Variants in SLC18B1 observed in about 807,000 individuals in gnomAD.
SLC18B1 encodes solute carrier family 18 member B1.
In SLC18B1, 62 loss-of-function variants were observed where a neutral mutation model predicts 53.9. The observed-to-expected ratio is 1.15, with a 90% confidence interval of 0.94 to 1.42. The LOEUF is 1.42. Among genes scored for constraint, SLC18B1 ranks in the 40% most tolerant of loss-of-function variants. The pLI, the probability that SLC18B1 is intolerant of heterozygous loss-of-function variation, is 0.00. For missense variants in SLC18B1, 598 were observed against 547.3 expected, an observed-to-expected ratio of 1.09 and a Z score of -0.93; for synonymous variants, 217 against 200.9, an observed-to-expected ratio of 1.08 and a Z score of -0.68.
intron 8 of SLC18B1, among the ~76,000 whole-genome samples, chr6:132,776,095 AT>A (rs879118756): frequency 3.3e-5 from 5 of 151,722 alleles, no homozygotes; most frequent in East Asian, 3.9e-4. Flanking sequence ...AATCCAATTT[AT>A]TTTTTTTTAA....
chr6:132,771,211 TG>T lies in SLC18B1; in HGVS notation c.1161-83del. On this transcript the variant is annotated intron_variant, in intron 11 of 13. Transcript: ENST00000275227. The stretch of plus-strand genomic sequence containing the variant: ...ATGAAAAGCTACATGATCCTTCAAT[TG>T]TAAGTCTTCATTACATTGGAAGATA... 2.4e-6 allele frequency: 3 copies of T among 1,247,798 alleles called. No homozygotes were observed. The South Asian group carries it at 3.8e-5, about 16-fold the overall frequency. 77.3% of individuals were successfully genotyped at this position (1,247,798 alleles called of 1,614,324 possible). A position where few individuals can be genotyped will look rare whatever the true frequency, so the allele number is the denominator to read the frequency against.
rs753584107 is a variant in SLC18B1, at chr6:132,798,502, C to A, written c.-46G>T. On this transcript the variant is annotated 5_prime_UTR_variant, in exon 1 of 14. Coordinates refer to ENST00000275227, the MANE Select transcript of SLC18B1 (RefSeq NM_052831.3). ...CGCCCCAGCTCCCGGCTTCAAGCCA[C>A]GTCCTTGGACTCGACCTCCAAGGAG... The A allele has an allele frequency of 2.9e-5, 42 of 1,440,852 alleles. No homozygotes were observed. The highest frequency in any genetic ancestry group is 4.4e-5 in the African/African-American group (3 of 68,380). The allele number at this position is 1,440,852 out of a possible 1,614,324, so 89.3% of individuals were successfully genotyped here.
intron 2 of SLC18B1, among the ~76,000 whole-genome samples, chr6:132,795,661 C>T (rs1007918528): frequency 6.6e-6 from 1 of 152,104 alleles, no homozygotes; most frequent in African/African-American, 2.4e-5. Context: ...TGGCAAAAAG[C>T]ACAAAATAAA....
At chr6:132,792,803 G>C (rs1164646855) in intron 2 of SLC18B1, among the ~76,000 whole-genome samples, 15 of 152,072 alleles carry the variant, frequency 9.9e-5, no homozygotes, top group Non-Finnish European at 1.5e-5. Context: ...CTTCACATTA[G>C]GAAAGCAAAA....
At position 132,792,288 on chromosome 6, in the gene SLC18B1, A is replaced by AAAGAAAGAAAGAAAG. The variant is rs770774646; in HGVS notation, c.184-2017_184-2016insCTTTCTTTCTTTCTT. The stretch of plus-strand genomic sequence containing the variant: ...GAAAGAAAGAAAGAAAGAAAGGAAG[A>AAAGAAAGAAAGAAAG]AAGGAAGGAAGGAAGGAAGGAAGGA... On this transcript the variant is annotated intron_variant, in intron 2 of 13. Coordinates refer to ENST00000275227, the MANE Select transcript of SLC18B1 (RefSeq NM_052831.3). 1.3e-3 allele frequency among the ~76,000 whole-genome samples: 53 copies of AAAGAAAGAAAGAAAG among 39,932 alleles called. 3 individuals are homozygous for AAAGAAAGAAAGAAAG. Among genetic ancestry groups the AAAGAAAGAAAGAAAG allele is most frequent in the African/African-American group, 6.8e-3 (53 of 7,760 alleles). The allele number at this position is 39,932 out of a possible 152,430, so 26.2% of individuals were successfully genotyped here. A position where few individuals can be genotyped will look rare whatever the true frequency, so the allele number is the denominator to read the frequency against.
At position 132,770,193 on chromosome 6, in the gene SLC18B1, A is replaced by T; in HGVS notation, c.*77T>A. On this transcript the variant is annotated 3_prime_UTR_variant, in exon 14 of 14. Coordinates refer to ENST00000275227, the MANE Select transcript of SLC18B1 (RefSeq NM_052831.3). Reference sequence around the variant, plus strand: ...CACGGAGTTTTGCGCGTAAAATTTTAAAAACCCTTCCTACGGTGATGTTTA... The same window carrying T: ...CACGGAGTTTTGCGCGTAAAATTTTTAAAACCCTTCCTACGGTGATGTTTA... The T allele has an allele frequency of 7.7e-7, 1 of 1,294,498 alleles. No individual in the cohort carries two copies. The highest frequency in any genetic ancestry group is 1.1e-6 in the Non-Finnish European group (1 of 906,296). The allele number at this position is 1,294,498 out of a possible 1,614,324, so 80.2% of individuals were successfully genotyped here.
rs777189430 is a variant in SLC18B1 at position 132,772,950 on chromosome 6, A to G, written c.1085+43T>C. 3.6e-6 allele frequency: 5 copies of G among 1,380,860 alleles called. No homozygotes were observed. In the South Asian group the frequency reaches 5.9e-5, roughly 16 times the overall value. 85.5% of individuals were successfully genotyped at this position (1,380,860 alleles called of 1,614,324 possible). A position where few individuals can be genotyped will look rare whatever the true frequency, so the allele number is the denominator to read the frequency against. On this transcript the variant is annotated intron_variant, in intron 10 of 13. Transcript: ENST00000275227. ...TTCAAGAAAGCCTGTGATACTTACT[A>G]CTTATTCACAATACAGCTCTTCAAG...
In SLC18B1 at chr6:132,780,665, G is replaced by A. The variant is rs550374465; in HGVS notation, c.659-1261C>T. Among the ~76,000 whole-genome samples, 438 of 144,606 alleles carry A rather than the reference G, an allele frequency of 3.0e-3. 1 individual carries two copies. Among genetic ancestry groups the A allele is most frequent in the African/African-American group, 0.01 (387 of 38,432 alleles). 94.9% of individuals were successfully genotyped at this position (144,606 alleles called of 152,430 possible). A position where few individuals can be genotyped will look rare whatever the true frequency, so the allele number is the denominator to read the frequency against. ...CAACCTCCACCTCCTGGGCTCAAGC[G>A]ATTCTCCTGCCTCAGCCTCCCGAGT... On this transcript the variant is annotated intron_variant, in intron 6 of 13. Coordinates refer to ENST00000275227, the MANE Select transcript of SLC18B1 (RefSeq NM_052831.3).
chr6:132,795,189 T>C (rs1034729811), intron 2 of SLC18B1, among the ~76,000 whole-genome samples: 1 of 152,092 alleles, frequency 6.6e-6, no homozygotes, highest in Non-Finnish European at 1.5e-5. Context: ...AACAGTCTTA[T>C]AACATTCTGG....
intron 1 of SLC18B1, among the ~76,000 whole-genome samples, chr6:132,797,901 A>T (rs1036128940): frequency 2.0e-5 from 3 of 152,188 alleles, no homozygotes; most frequent in Non-Finnish European, 4.4e-5. Flanking sequence ...ATCCAAGCAA[A>T]TCCATCAGCC....
chr6:132,785,036 TC>T (rs1331075493), intron 5 of SLC18B1, among the ~76,000 whole-genome samples: 15 of 147,172 alleles, frequency 1.0e-4, no homozygotes, highest in African/African-American at 3.8e-4. Context: ...AATAGTCCTG[TC>T]CAGTTAAAAA....
At chr6:132,792,794 T>C (rs1002908266) in intron 2 of SLC18B1, among the ~76,000 whole-genome samples, 2 of 152,124 alleles carry the variant, frequency 1.3e-5, no homozygotes, top group Admixed American at 6.6e-5. Flanking sequence ...TGGATCCTGC[T>C]TCACATTAGG....
At chr6:132,792,300 G>A (rs201109035) in intron 2 of SLC18B1, among the ~76,000 whole-genome samples, 6,024 of 29,916 alleles carry the variant, frequency 0.2, 369 homozygotes, top group Middle Eastern at 0.24. Context: ...AGGAAGGAAG[G>A]AAGGAAGGAA....
chr6:132,773,079 C>T lies in SLC18B1; in HGVS notation c.999G>A (p.Trp333Ter), dbSNP rs770209485. The T allele has an allele frequency of 2.5e-6, 4 of 1,612,834 alleles. No homozygotes were observed. The highest frequency in any genetic ancestry group is 3.4e-6 in the Non-Finnish European group (4 of 1,179,010). The part of the protein sequence containing the change: ...VPILHIKSQL[W>*]LLVLILVVSG... ...TTACAACTAATATCAGCACCAGCAGCCAGAGCTGACTGCAAAAGGGTTTTG... is the reference window on the plus strand; with the variant it reads ...TTACAACTAATATCAGCACCAGCAGTCAGAGCTGACTGCAAAAGGGTTTTG... The change falls in exon 10 of 14, where the codon TGG (tryptophan) becomes TGA (stop). Residue 333 changes from tryptophan (W) to a stop codon, truncating the protein, a stop_gained. Transcript: ENST00000275227. LOFTEE classifies it high-confidence loss of function.
At chr6:132,793,901 C>T (rs1036135113) in intron 2 of SLC18B1, among the ~76,000 whole-genome samples, 6 of 152,090 alleles carry the variant, frequency 3.9e-5, no homozygotes, top group African/African-American at 1.4e-4. Flanking sequence ...GTCATCATTT[C>T]CTATAAGCAC....
At chr6:132,778,441 G>A (rs190300300) in intron 7 of SLC18B1, among the ~76,000 whole-genome samples, 15 of 151,988 alleles carry the variant, frequency 9.9e-5, no homozygotes, top group Non-Finnish European at 2.2e-4. Context: ...GATTTCAAGG[G>A]GTAGTGTAAA....
rs752803812 is a variant in SLC18B1 at position 132,776,387 on chromosome 6, T to C, written c.838A>G (p.Met280Val). Residue 280 changes from methionine to valine, a missense_variant, in exon 8 of 14, where the codon ATG becomes GTG. Physicochemically the swap from Met to Val is conservative, Grantham distance 21. Coordinates refer to ENST00000275227, the MANE Select transcript of SLC18B1 (RefSeq NM_052831.3). Reference sequence around the variant, plus strand: ...GAAGAGATGGCATAGGACAGTGCCATACCCAGGAATACTAGTCCCACATAT... The same window carrying C: ...GAAGAGATGGCATAGGACAGTGCCACACCCAGGAATACTAGTCCCACATAT... ...AGYVGLVFLG[M>V]ALSYAISSPL... 1.2e-6 allele frequency: 2 copies of C among 1,613,700 alleles called. No individual in the cohort carries two copies. The highest frequency in any genetic ancestry group is 3.3e-5 in the Admixed American group (2 of 59,984).
rs745456761 is a variant in SLC18B1, at chr6:132,783,999, A to C, written c.592T>G (p.Phe198Val). The stretch of plus-strand genomic sequence containing the variant: ...AAAACGACGCATCCCAGAACAATAA[A>C]AGGCACTTCATAGCCAAAGGATTGA... ...LYQSFGYEVPFIVLGCVVLLM... is the reference protein window; with the variant it reads ...LYQSFGYEVPVIVLGCVVLLM... Residue 198 changes from phenylalanine to valine, a missense_variant, in exon 6 of 14, where the codon TTT (phenylalanine) becomes GTT (valine). By Grantham distance (50) the Phe-to-Val change is conservative. Transcript: ENST00000275227. The C allele has an allele frequency of 3.7e-6, 6 of 1,611,360 alleles. No individual in the cohort carries two copies. Among genetic ancestry groups the C allele is most frequent in the Middle Eastern group, 1.7e-4 (1 of 6,056 alleles).
At chr6:132,780,579 T>G (rs1279441012) in intron 6 of SLC18B1, among the ~76,000 whole-genome samples, 1 of 146,258 alleles carries the variant, frequency 6.8e-6, no homozygotes, top group Non-Finnish European at 1.5e-5. Flanking sequence ...TTTTTTTTTT[T>G]TTTTTTTTTT....
Sources: gnomAD v4.1 joint callset for allele counts (sites outside exome capture counted in the v4.1 genomes callset) on GRCh38, gnomAD v4.1.1 for gene constraint, MANE v1.5 for transcripts, NCBI Gene and HGNC (gene_info 2026-07-23, HGNC 2026-07-21) for gene names.